The following FAM135B variants were observed in gnomAD, a reference collection of about 807,000 sequenced individuals.
The protein encoded by FAM135B is protein FAM135B.
A neutral mutation model predicts 127.7 loss-of-function variants in FAM135B; 43 were observed. The observed-to-expected ratio is 0.34, with a 90% CI of 0.26 to 0.43. The LOEUF is 0.43. FAM135B is among the 20% of genes least tolerant of loss of function. The probability of loss-of-function intolerance (pLI) is 1.00; values close to 1 mark genes in which losing one functional copy is unlikely to be tolerated. For missense variants in FAM135B, 1,558 were observed against 1,725.6 expected (o/e 0.90, Z 1.72); for synonymous variants, 670 against 665.1 (o/e 1.01, Z -0.11).
At chr8:138,494,363 G>C (rs899820451) in intron 1 of FAM135B, among the ~76,000 whole-genome samples, 1 of 152,226 alleles carries the variant, frequency 6.6e-6, no homozygotes, top group African/African-American at 2.4e-5. Flanking sequence ...AAGTCAGATA[G>C]GGAGAGGCAC....
intron 7 of FAM135B, among the ~76,000 whole-genome samples, chr8:138,203,193 A>G (rs1444844460): frequency 1.3e-5 from 2 of 152,150 alleles, no homozygotes; most frequent in Admixed American, 6.5e-5. Flanking sequence ...TCTCAAATCT[A>G]TGTCTCTACA....
intron 3 of FAM135B, among the ~76,000 whole-genome samples, chr8:138,289,455 C>T (rs1179783175): frequency 1.3e-5 from 2 of 152,240 alleles, no homozygotes; most frequent in East Asian, 3.8e-4. Context: ...CACTCCACTT[C>T]TGTCTGCTTT....
At chr8:138,428,928 G>C (rs1364255541) in intron 1 of FAM135B, among the ~76,000 whole-genome samples, 2 of 152,070 alleles carry the variant, frequency 1.3e-5, no homozygotes, top group African/African-American at 2.4e-5. Flanking sequence ...TGCCCCCAAG[G>C]GCCTACTATG....
At chr8:138,290,920 A>G (rs1825061863) in intron 3 of FAM135B, among the ~76,000 whole-genome samples, 1 of 152,120 alleles carries the variant, frequency 6.6e-6, no homozygotes, top group South Asian at 2.1e-4. Flanking sequence ...AACATACACA[A>G]TCAGCCATGG....
intron 1 of FAM135B, among the ~76,000 whole-genome samples, chr8:138,407,521 C>T (rs1213033123): frequency 6.6e-6 from 1 of 152,180 alleles, no homozygotes; most frequent in Admixed American, 6.5e-5. Context: ...TACAAGGCTA[C>T]AGTAACCAAA....
chr8:138,239,389 C>G (rs893466441), intron 7 of FAM135B, among the ~76,000 whole-genome samples: 1 of 152,162 alleles, frequency 6.6e-6, no homozygotes, highest in African/African-American at 2.4e-5. Flanking sequence ...TATCCTTCAC[C>G]CACTTGTTGA....
At chr8:138,176,579 CA>C (rs1814492089) in intron 11 of FAM135B, among the ~76,000 whole-genome samples, 1 of 152,166 alleles carries the variant, frequency 6.6e-6, no homozygotes, top group Non-Finnish European at 1.5e-5. Context: ...ACTTTCCAAA[CA>C]GAATGAATTG....
chr8:138,300,147 G>A (rs1486364448), intron 3 of FAM135B, among the ~76,000 whole-genome samples: 2 of 151,906 alleles, frequency 1.3e-5, no homozygotes, highest in Admixed American at 6.6e-5. Flanking sequence ...GATCCAGTGT[G>A]GGGTGTATGG....
intron 2 of FAM135B, among the ~76,000 whole-genome samples, chr8:138,320,866 A>G (rs1827404734): frequency 6.6e-6 from 1 of 152,242 alleles, no homozygotes; most frequent in African/African-American, 2.4e-5. Flanking sequence ...TGTGAGTGAT[A>G]AAGAATCCAC....
chr8:138,330,372 A>C (rs1359080476), intron 2 of FAM135B, among the ~76,000 whole-genome samples: 1 of 152,140 alleles, frequency 6.6e-6, no homozygotes, highest in East Asian at 1.9e-4. Context: ...GCAAGAACAG[A>C]GCCTAGAAAA....
chr8:138,483,639 G>A (rs1237805482), intron 1 of FAM135B, among the ~76,000 whole-genome samples: 1 of 152,086 alleles, frequency 6.6e-6, no homozygotes, highest in Non-Finnish European at 1.5e-5. Flanking sequence ...AGATGTACCA[G>A]CTCCCTCTTT....
intron 1 of FAM135B, among the ~76,000 whole-genome samples, chr8:138,488,011 A>T (rs1471838363): frequency 1.3e-5 from 2 of 151,792 alleles, no homozygotes; most frequent in African/African-American, 4.8e-5. Context: ...CTCAAAAAAA[A>T]CAAAAAAAAA....
At chr8:138,279,018 T>C (rs1824058342) in intron 3 of FAM135B, among the ~76,000 whole-genome samples, 3 of 152,208 alleles carry the variant, frequency 2.0e-5, no homozygotes, top group Admixed American at 6.5e-5. Flanking sequence ...TGATTAGACC[T>C]GGTTAATTAT....
intron 1 of FAM135B, among the ~76,000 whole-genome samples, chr8:138,465,754 CTGTACATCTTGG>C (rs1228340861): frequency 2.0e-5 from 3 of 151,604 alleles, no homozygotes; most frequent in Admixed American, 2.0e-4. Context: ...TGACTTGTTG[CTGTACATCTTGG>C]TGCAAGTTTC....
rs2130382062 is a variant in FAM135B at position 138,242,956 on chromosome 8, G to A, written c.655C>T (p.Pro219Ser). 1 of 1,613,486 alleles carries A rather than the reference G, an allele frequency of 6.2e-7. No homozygotes were observed. Among genetic ancestry groups the A allele is most frequent in the Non-Finnish European group, 8.5e-7 (1 of 1,179,688 alleles). The change falls in exon 7 of 20, where the codon CCG (proline) becomes TCG (serine). Residue 219 changes from proline (P) to serine (S), a missense_variant. Coordinates refer to ENST00000395297, the MANE Select transcript of FAM135B (RefSeq NM_015912.4). This position sits in a 1 kb window ranked among gnomAD's most constrained non-coding sequence, Gnocchi z 9.6. The part of the protein sequence containing the change: ...NLVFGAGYCK[P>S]TSSEGSFYIT... ...ACAGGCCTTACCTCTGAGGAAGTCG[G>A]CTTGCAGTACCCAGCTCCAAAGACC...
intron 3 of FAM135B, among the ~76,000 whole-genome samples, chr8:138,292,593 T>C (rs1244534165): frequency 6.6e-6 from 1 of 152,116 alleles, no homozygotes; most frequent in Non-Finnish European, 1.5e-5. Context: ...AAAACTACCA[T>C]TGATATTCTT....
intron 9 of FAM135B, among the ~76,000 whole-genome samples, chr8:138,191,651 A>G (rs943308122): frequency 2.0e-5 from 3 of 152,178 alleles, no homozygotes; most frequent in Non-Finnish European, 4.4e-5. Flanking sequence ...GGCTTGGGAA[A>G]TGTTTGTGAA....
At chr8:138,133,043 G>A (rs781461593) in intron 19 of FAM135B, among the ~76,000 whole-genome samples, 1 of 152,214 alleles carries the variant, frequency 6.6e-6, no homozygotes, top group African/African-American at 2.4e-5. Flanking sequence ...CCCATGCACC[G>A]GAAGTTATGA....
intron 1 of FAM135B, among the ~76,000 whole-genome samples, chr8:138,372,778 T>C (rs2131245477): frequency 6.6e-6 from 1 of 152,260 alleles, no homozygotes; most frequent in East Asian, 1.9e-4. Flanking sequence ...CAGCCTTGTT[T>C]GGTTTTCACT....
Sources: allele counts gnomAD v4.1 joint callset (sites outside exome capture counted in the v4.1 genomes callset), GRCh38; gene constraint gnomAD v4.1.1; non-coding constraint Gnocchi (gnomAD v3.1); transcripts MANE v1.5; gene names NCBI Gene and HGNC (gene_info 2026-07-23, HGNC 2026-07-21).